NIN: variants seen among roughly 807,000 people sequenced by gnomAD.
The protein encoded by NIN is glycogen synthase kinase 3 beta-interacting protein.
A neutral mutation model predicts 257.6 loss-of-function variants in NIN; 137 were observed. The ratio of observed to expected loss-of-function variants is 0.53; its 90% confidence interval spans 0.46 to 0.61. The LOEUF is 0.61. NIN is among the 20% of genes least tolerant of loss of function. The pLI is 0.00. For missense variants in NIN, 2,439 were observed against 2,501.2 expected (o/e 0.98, Z 0.53); for synonymous variants, 918 against 919.8 (o/e 1.00, Z 0.04).
intron 12 of NIN, among the ~76,000 whole-genome samples, chr14:50,769,907 C>A (rs1269808047): frequency 6.7e-6 from 1 of 149,882 alleles, no homozygotes; most frequent in African/African-American, 2.5e-5. Context: ...TGCACCGCTG[C>A]GCTCCAGTCT....
At chr14:50,726,118 T>C in intron 29 of NIN, 52 bp from the exon 30 acceptor site, 1 of 1,400,944 alleles carries the variant, frequency 7.1e-7, no homozygotes, top group Non-Finnish European at 1.0e-6. Context: ...CTGAAAACAC[T>C]GGTTTATTTT....
chr14:50,801,215 C>G (rs1043575563), intron 4 of NIN, among the ~76,000 whole-genome samples: 5 of 149,664 alleles, frequency 3.3e-5, no homozygotes, highest in Non-Finnish European at 7.4e-5. Flanking sequence ...CTCAGCCTCC[C>G]GAGTAGCTGG....
intron 4 of NIN, among the ~76,000 whole-genome samples, chr14:50,793,700 A>G (rs1306891254): frequency 6.6e-6 from 1 of 152,060 alleles, no homozygotes; most frequent in African/African-American, 2.4e-5. Context: ...TACCATCACC[A>G]CCACTGCTGC....
In NIN at chr14:50,770,543, T is replaced by A. The variant is rs755307873; in HGVS notation, c.1279A>T (p.Lys427Ter). The change falls in exon 12 of 31, where the codon AAG (lysine) becomes TAG (stop). Residue 427 changes from lysine to a stop codon, truncating the protein, a stop_gained. Transcript: ENST00000530997. LOFTEE classifies it high-confidence loss of function. ...TTTTTTAAGGCTGCTATTCGCTCCT[T>A]GTACTCTTCATCCAGTTTCCTGTAA... ...YNLRKLDEEYKERIAALKNEL... is the reference protein window; with the variant it reads ...YNLRKLDEEY 1 of 1,613,944 alleles carries A rather than the reference T, an allele frequency of 6.2e-7. No individual in the cohort carries two copies. Among genetic ancestry groups the A allele is most frequent in the Non-Finnish European group, 8.5e-7 (1 of 1,179,990 alleles).
intron 3 of NIN, among the ~76,000 whole-genome samples, chr14:50,808,468 G>C (rs1252800001): frequency 1.3e-5 from 2 of 152,224 alleles, no homozygotes; most frequent in Non-Finnish European, 2.9e-5. Flanking sequence ...TTTATAGCTA[G>C]GTGGGTCCAG....
At chr14:50,728,686 A>C (rs1024820678) in intron 29 of NIN, among the ~76,000 whole-genome samples, 2 of 152,228 alleles carry the variant, frequency 1.3e-5, no homozygotes, top group Non-Finnish European at 2.9e-5. Flanking sequence ...TTTTATTCCT[A>C]GTTCTGAATT....
chr14:50,771,216 T>C, intron 10 of NIN, 116 bp downstream of exon 10: 1 of 1,295,052 alleles, frequency 7.7e-7, no homozygotes, highest in Non-Finnish European at 1.1e-6. Context: ...AGCAGTTGGA[T>C]AGAAGATGAG....
At chr14:50,730,386 A>G (rs571957103) in intron 28 of NIN, among the ~76,000 whole-genome samples, 1 of 152,286 alleles carries the variant, frequency 6.6e-6, no homozygotes, top group Non-Finnish European at 1.5e-5. Flanking sequence ...AAAGTGGGGG[A>G]GAGGAAAGGG....
At chr14:50,769,228 A>T (rs1481446542) in intron 12 of NIN, among the ~76,000 whole-genome samples, 1 of 152,154 alleles carries the variant, frequency 6.6e-6, no homozygotes, top group East Asian at 1.9e-4. Context: ...GCCCATTTTT[A>T]ACATTAGGAA....
rs1248502854 is a variant in NIN at position 50,739,366 on chromosome 14, T to C, written c.5570A>G (p.Glu1857Gly). 2.5e-6 allele frequency: 4 copies of C among 1,614,252 alleles called. No homozygotes were observed. The highest frequency in any genetic ancestry group is 2.2e-5 in the South Asian group (2 of 91,088). Residue 1857 changes from glutamate (E) to glycine (G), a missense_variant, in exon 26 of 31, where the codon GAG becomes GGG. Physicochemically the swap from Glu to Gly is moderately conservative, Grantham distance 98. Around this residue, in one of 3 missense-constraint regions of NIN, gnomAD observed 2,043 missense variants for 2,050.2 expected, o/e 1.00. Transcript: ENST00000530997. ...EEQQLLWQEN[E>G]RLQTMVQNTK... is the part of the protein sequence containing the mutation. ...GTTCTGTACCATGGTCTGGAGCCTCTCATTCTCTTGCCAAAGCAGCTGCTG... is the reference window on the plus strand; with the variant it reads ...GTTCTGTACCATGGTCTGGAGCCTCCCATTCTCTTGCCAAAGCAGCTGCTG...
intron 26 of NIN, among the ~76,000 whole-genome samples, 187 bp from the exon 27 acceptor site, chr14:50,738,473 G>C (rs890572073): frequency 1.3e-5 from 2 of 152,188 alleles, no homozygotes; most frequent in Non-Finnish European, 2.9e-5. Context: ...GAGTCTGGTT[G>C]GGTCTGCAAA....
chr14:50,730,419 G>A (rs2040633304), intron 28 of NIN, among the ~76,000 whole-genome samples: 1 of 152,118 alleles, frequency 6.6e-6, no homozygotes, highest in South Asian at 2.1e-4. Context: ...AGCATTTTGG[G>A]CAGTGAGGCA....
chr14:50,772,357 T>A lies in NIN; in HGVS notation c.925A>T (p.Arg309Ter). 6 of 1,613,790 alleles carry A rather than the reference T, an allele frequency of 3.7e-6. No homozygotes were observed. The highest frequency in any genetic ancestry group is 5.1e-6 in the Non-Finnish European group (6 of 1,179,746). Residue 309 changes from arginine (R) to a stop codon, truncating the protein, a stop_gained, in exon 9 of 31, where the codon AGA becomes TGA. Coordinates refer to ENST00000530997, the MANE Select transcript of NIN (RefSeq NM_020921.4). LOFTEE classifies it high-confidence loss of function. ...DDGMGHASVE[R>*]ILDTWQEEGI... ...TCTTCCTGCCAGGTGTCCAGTATTC[T>A]CTCCACAGATGCATGGCCCATCCCA...
At chr14:50,746,544 T>TTA (rs2041550332) in intron 22 of NIN, among the ~76,000 whole-genome samples, 1 of 152,162 alleles carries the variant, frequency 6.6e-6, no homozygotes, top group African/African-American at 2.4e-5. Context: ...AATACCAGAT[T>TTA]TATAGACTCA....
At chr14:50,766,707 A>C in intron 13 of NIN, 73 bp downstream of exon 13, 1 of 1,029,226 alleles carries the variant, frequency 9.7e-7, no homozygotes, top group Admixed American at 2.0e-5. Context: ...TTCTGGTGGC[A>C]TTGCTCCTGT....
At chr14:50,765,596 TA>T (rs1289846663) in intron 14 of NIN, among the ~76,000 whole-genome samples, 9 of 152,144 alleles carry the variant, frequency 5.9e-5, no homozygotes, top group African/African-American at 1.9e-4. Context: ...GGAATTTTTT[TA>T]AAATCAAAGA....
chr14:50,749,768 C>A (rs2041709330), intron 21 of NIN, among the ~76,000 whole-genome samples: 1 of 152,168 alleles, frequency 6.6e-6, no homozygotes, highest in Non-Finnish European at 1.5e-5. Flanking sequence ...TGGCTCACTG[C>A]AGCCTCGACC....
intron 21 of NIN, 88 bp from the exon 22 acceptor site, chr14:50,748,193 A>G (rs1461939402): frequency 1.9e-5 from 15 of 781,634 alleles, no homozygotes; most frequent in Non-Finnish European, 3.0e-5. Flanking sequence ...ATATTAAGGA[A>G]ACAGTAATAT....
intron 3 of NIN, among the ~76,000 whole-genome samples, chr14:50,817,031 C>G (rs1406009464): frequency 1.3e-5 from 2 of 152,140 alleles, no homozygotes; most frequent in Admixed American, 6.5e-5. Flanking sequence ...AATGGGGAAC[C>G]ACAGACCCTC....
Sources: allele counts gnomAD v4.1 joint callset (sites outside exome capture counted in the v4.1 genomes callset), GRCh38; gene constraint gnomAD v4.1.1; regional missense constraint gnomAD v4.1.1; transcripts MANE v1.5; gene names NCBI Gene and HGNC (gene_info 2026-07-23, HGNC 2026-07-21).